Variants in SRSF5 observed in about 807,000 individuals in gnomAD.
SRSF5 encodes the protein serine/arginine-rich splicing factor 5.
Under a neutral mutation model 34.0 loss-of-function variants are expected in SRSF5, and 5 were observed. The observed-to-expected ratio is 0.15, with a 90% CI of 0.08 to 0.31. The LOEUF (loss-of-function observed/expected upper bound fraction) is 0.31, where lower values mean the gene tolerates loss of function less well. Ranked by LOEUF, SRSF5 falls within the 10% of genes least tolerant of loss-of-function variation. The probability of loss-of-function intolerance (pLI) is 1.00; values close to 1 mark genes in which losing one functional copy is unlikely to be tolerated. For missense variants in SRSF5, 223 were observed against 351.4 expected, an observed-to-expected ratio of 0.63 and a Z score of 2.92; for synonymous variants, 164 against 117.7, an observed-to-expected ratio of 1.39 and a Z score of -2.55.
At chr14:69,767,909 G>A in intron 1 of SRSF5, 1 of 483,308 alleles carries the variant, frequency 2.1e-6, no homozygotes, top group Non-Finnish European at 3.8e-6. Context: ...AAAGGTGGCA[G>A]TGGGCGTTGC....
intron 5 of SRSF5, chr14:69,770,173 G>GT (rs1187398860): frequency 5.5e-6 from 6 of 1,099,032 alleles, no homozygotes; most frequent in East Asian, 1.1e-4. Flanking sequence ...CTTTTTTGTT[G>GT]TTTTTTTGTT....
chr14:69,767,921 G>C, intron 1 of SRSF5: 1 of 504,394 alleles, frequency 2.0e-6, no homozygotes. Context: ...GGGCGTTGCG[G>C]TTGCTGCGGT....
rs748677385 is a variant in SRSF5 at position 69,768,907 on chromosome 14, G to A, written c.296+11G>A. 5.0e-6 allele frequency: 8 copies of A among 1,611,424 alleles called. No individual in the cohort carries two copies. The African/African-American group carries it at 8.0e-5, about 16-fold the overall frequency. On this transcript the variant is annotated intron_variant, in intron 4 of 7. Transcript: ENST00000557154. ...TCGAAATGATAGACGGTATGTGAAG[G>A]GTGGATGGCTGCATTGAACAATTAT...
In SRSF5 at chr14:69,771,290, A is replaced by AAGCAGG. The variant is rs760215640; in HGVS notation, c.658_663dup (p.Arg224_Ser225dup). ...GTCGCAAATCTTACAGCCGGTCAAG[A>AAGCAGG]AGCAGGAGCAGGAGCCGGAGCCGGA... On this transcript the variant is annotated inframe_insertion, in exon 8 of 8. Coordinates refer to ENST00000557154, the MANE Select transcript of SRSF5 (RefSeq NM_001320214.2). 4.1e-5 allele frequency: 66 copies of AAGCAGG among 1,613,948 alleles called. No homozygotes were observed. Among genetic ancestry groups the AAGCAGG allele is most frequent in the East Asian group, 8.9e-5 (4 of 44,898 alleles).
intron 6 of SRSF5, 78 bp downstream of exon 6, chr14:69,770,618 T>G (rs1883084190): frequency 1.5e-6 from 2 of 1,296,886 alleles, no homozygotes; most frequent in Admixed American, 3.7e-5. Flanking sequence ...GGACTTAAAA[T>G]TTGAATATGT....
intron 5 of SRSF5, chr14:69,770,126 CTACTT>C (rs1471422335): frequency 8.7e-6 from 9 of 1,039,634 alleles, no homozygotes; most frequent in Non-Finnish European, 1.0e-5. Flanking sequence ...TAAAACTTCT[CTACTT>C]TAGTCTTTAC....
At chr14:69,768,355 A>G in intron 2 of SRSF5, 73 bp downstream of exon 2, 2 of 1,586,100 alleles carry the variant, frequency 1.3e-6, no homozygotes, top group South Asian at 1.1e-5. Context: ...TTCGATCTTG[A>G]GTCCGGGTGG....
At chr14:69,769,078 CA>C (rs774106274) in intron 4 of SRSF5, 103 bp from the exon 5 acceptor site, 26 of 1,406,692 alleles carry the variant, frequency 1.8e-5, no homozygotes, top group Non-Finnish European at 2.4e-5. Flanking sequence ...TGACGGAAGT[CA>C]TTAGAATGGC....
In SRSF5 at chr14:69,771,679, C is replaced by CA; in HGVS notation, c.*219dup. 1.8e-6 allele frequency: 1 copy of CA among 563,926 alleles called. No individual in the cohort carries two copies. Among genetic ancestry groups the CA allele is most frequent in the Non-Finnish European group, 3.1e-6 (1 of 326,886 alleles). 34.9% of individuals were successfully genotyped at this position (563,926 alleles called of 1,614,324 possible). On this transcript the variant is annotated 3_prime_UTR_variant, in exon 8 of 8. Transcript: ENST00000557154. ...AATGTCTTTTGATAAGCCTTCTGCT[C>CA]ACATTTTTGTGAATGTCTGAAGTAT...
In SRSF5 at chr14:69,770,941, A is replaced by G. The variant is rs1883130473; in HGVS notation, c.441-54A>G. 8 of 1,452,850 alleles carry G rather than the reference A, an allele frequency of 5.5e-6. No individual in the cohort carries two copies. The South Asian group carries it at 6.0e-5, about 11-fold the overall frequency. The allele number at this position is 1,452,850 out of a possible 1,614,324, so 90.0% of individuals were successfully genotyped here. On this transcript the variant is annotated intron_variant, in intron 6 of 7. Transcript: ENST00000557154. Reference sequence around the variant, plus strand: ...CGACTTACCTAGACTGCTGTGTGCAATGTGTGAGACTACAGGATGTATATA... The same window carrying G: ...CGACTTACCTAGACTGCTGTGTGCAGTGTGTGAGACTACAGGATGTATATA...
chr14:69,771,387 A>G lies in SRSF5; in HGVS notation c.745A>G (p.Lys249Glu), dbSNP rs1274454012. The change falls in exon 8 of 8, where the codon AAG becomes GAG. Residue 249 changes from lysine to glutamate, a missense_variant. By Grantham distance (56) the Lys-to-Glu change is moderately conservative. Around this residue, in one of 4 missense-constraint regions of SRSF5, gnomAD observed 115 missense variants for 119.7 expected, o/e 0.96. Transcript: ENST00000557154. ...SQKRGSSSRS[K>E]SPASVDRQRS... ...GAAACGTGGTTCTTCAAGTAGATCT[A>G]AGTCTCCAGCATCTGTGGATCGCCA... 1.2e-6 allele frequency: 2 copies of G among 1,614,238 alleles called. No homozygotes were observed.
chr14:69,768,315 A>G, intron 2 of SRSF5, 33 bp downstream of exon 2: 1 of 1,612,312 alleles, frequency 6.2e-7, no homozygotes, highest in Non-Finnish European at 8.5e-7. Flanking sequence ...ATTATCTGCT[A>G]AGTAGGTAGA....
At chr14:69,769,146 A>G (rs1340912724) in intron 4 of SRSF5, 36 bp from the exon 5 acceptor site, 1 of 1,612,346 alleles carries the variant, frequency 6.2e-7, no homozygotes, top group Non-Finnish European at 8.5e-7. Flanking sequence ...CTGTCATTGC[A>G]TTTCTTCCAT....
chr14:69,767,181 T>G lies in SRSF5; in HGVS notation c.-94T>G. 1 of 355,046 alleles carries G rather than the reference T, an allele frequency of 2.8e-6. No homozygotes were observed. 22.0% of individuals were successfully genotyped at this position (355,046 alleles called of 1,614,324 possible). ...GGCGTAGACGAGTTAAGTCCTGGTC[T>G]GCGTGGAGGTCGACGACTCCGTCGC... On this transcript the variant is annotated 5_prime_UTR_variant, in exon 1 of 8. Coordinates refer to ENST00000557154, the MANE Select transcript of SRSF5 (RefSeq NM_001320214.2).
chr14:69,769,101 G>C (rs1267985506), intron 4 of SRSF5, 81 bp from the exon 5 acceptor site: 1 of 1,519,740 alleles, frequency 6.6e-7, no homozygotes, highest in Admixed American at 1.7e-5. Flanking sequence ...TGTGATATCT[G>C]ATGGCTTGAA....
At chr14:69,768,350 T>G in intron 2 of SRSF5, 68 bp downstream of exon 2, 2 of 1,591,586 alleles carry the variant, frequency 1.3e-6, no homozygotes, top group South Asian at 1.1e-5. Flanking sequence ...TTGTTTTCGA[T>G]CTTGAGTCCG....
intron 6 of SRSF5, 139 bp from the exon 7 acceptor site, chr14:69,770,856 A>G (rs1225279051): frequency 1.2e-6 from 1 of 814,948 alleles, no homozygotes; most frequent in Non-Finnish European, 1.9e-6. Context: ...TTGCTCTTTT[A>G]ATGCTGTGTT....
At chr14:69,768,063 T>A in intron 1 of SRSF5, 75 bp from the exon 2 acceptor site, 1 of 1,501,346 alleles carries the variant, frequency 6.7e-7, no homozygotes, top group Non-Finnish European at 9.2e-7. Context: ...ATGCCGTTGA[T>A]GTTTTTGATT....
rs1287131532 is a variant in SRSF5 at position 69,767,151 on chromosome 14, G to A, written c.-124G>A. 3.1e-6 allele frequency: 1 copy of A among 320,626 alleles called. No individual in the cohort carries two copies. The highest frequency in any genetic ancestry group is 6.2e-6 in the Non-Finnish European group (1 of 160,558). 19.9% of individuals were successfully genotyped at this position (320,626 alleles called of 1,614,324 possible). ...CAGAGCTGCTAAGTGCGTCAGTTGTGGAGTGGCGTAGACGAGTTAAGTCCT... is the reference window on the plus strand; with the variant it reads ...CAGAGCTGCTAAGTGCGTCAGTTGTAGAGTGGCGTAGACGAGTTAAGTCCT... On this transcript the variant is annotated 5_prime_UTR_variant, in exon 1 of 8. Coordinates refer to ENST00000557154, the MANE Select transcript of SRSF5 (RefSeq NM_001320214.2).
Sources: allele counts gnomAD v4.1 joint callset, GRCh38; gene constraint gnomAD v4.1.1; regional missense constraint gnomAD v4.1.1; transcripts MANE v1.5; gene names NCBI Gene and HGNC (gene_info 2026-07-23, HGNC 2026-07-21).